PARG: variants seen among roughly 807,000 people sequenced by gnomAD.
PARG encodes the protein poly(ADP-ribose) glycohydrolase.
PARG carries 35 observed loss-of-function variants against 113.0 expected under a neutral mutation model. The ratio of observed to expected loss-of-function variants is 0.31; its 90% confidence interval spans 0.24 to 0.41. The LOEUF (loss-of-function observed/expected upper bound fraction) is 0.41, where lower values mean the gene tolerates loss of function less well. Among genes scored for constraint, PARG ranks in the 10% least tolerant of loss-of-function variants. The pLI, the probability that PARG is intolerant of heterozygous loss-of-function variation, is 1.00. For missense variants in PARG, 797 were observed against 1,169.4 expected, an observed-to-expected ratio of 0.68 and a Z score of 4.64; for synonymous variants, 330 against 409.9, an observed-to-expected ratio of 0.81 and a Z score of 2.36.
chr10:49,913,586 A>G (rs1226231305), intron 7 of PARG, among the ~76,000 whole-genome samples: 2 of 152,182 alleles, frequency 1.3e-5, no homozygotes, highest in African/African-American at 2.4e-5. Flanking sequence ...CCAACCCTCC[A>G]TATGTTTACA....
intron 1 of PARG, among the ~76,000 whole-genome samples, chr10:49,940,056 A>G (rs1246928478): frequency 1.3e-5 from 2 of 152,028 alleles, no homozygotes; most frequent in African/African-American, 2.4e-5. Context: ...TACTTTCTCT[A>G]CATGTTTATG....
intron 7 of PARG, among the ~76,000 whole-genome samples, chr10:49,902,673 CT>C (rs1313148312): frequency 9.2e-5 from 14 of 152,084 alleles, no homozygotes; most frequent in Non-Finnish European, 1.9e-4. Flanking sequence ...AAACTTACTA[CT>C]TTTTAGGGTA....
chr10:49,922,713 A>T (rs1480856812), intron 4 of PARG, 44 bp from the exon 5 acceptor site: 1 of 1,250,234 alleles, frequency 8.0e-7, no homozygotes, highest in African/African-American at 1.5e-5. Context: ...TAAAAACAAA[A>T]TGTATCTTCT....
In PARG at chr10:49,934,161, A is replaced by T. The variant is rs1838629795; in HGVS notation, c.287T>A (p.Leu96Ter). ...KGIKTAESES[L>*]DSKENNNTRI... ...TGTATTGTTGTTTTCTTTACTATCCAAACTACAAGAGAACAGAAAGAACTA... is the reference window on the plus strand; with the variant it reads ...TGTATTGTTGTTTTCTTTACTATCCTAACTACAAGAGAACAGAAAGAACTA... Residue 96 changes from leucine to a stop codon, truncating the protein, a stop_gained and splice_region_variant, in exon 3 of 18, where the codon TTG (leucine) becomes TAG (stop). Coordinates refer to ENST00000616448, the MANE Select transcript of PARG (RefSeq NM_003631.5). LOFTEE classifies it high-confidence loss of function. The T allele has an allele frequency of 9.9e-7, 1 of 1,008,434 alleles. No individual in the cohort carries two copies. The highest frequency in any genetic ancestry group is 1.8e-5 in the Admixed American group (1 of 56,610). The allele number at this position is 1,008,434 out of a possible 1,614,324, so 62.5% of individuals were successfully genotyped here.
At chr10:49,895,570 A>AT (rs1178203452) in intron 7 of PARG, among the ~76,000 whole-genome samples, 1 of 151,728 alleles carries the variant, frequency 6.6e-6, no homozygotes, top group Non-Finnish European at 1.5e-5. Flanking sequence ...CGCCTGGCTA[A>AT]TTTTTTTGTA....
chr10:49,920,001 G>A (rs1263418795), intron 6 of PARG, among the ~76,000 whole-genome samples: 3 of 151,864 alleles, frequency 2.0e-5, no homozygotes, highest in African/African-American at 4.8e-5. Flanking sequence ...TTGGATCAGC[G>A]GTTTGAAAAT....
intron 7 of PARG, among the ~76,000 whole-genome samples, chr10:49,907,903 T>C (rs1328960262): frequency 3.9e-5 from 6 of 152,138 alleles, no homozygotes; most frequent in African/African-American, 1.2e-4. Context: ...CACAGCAACA[T>C]TTAAAAGGAA....
chr10:49,835,741 G>A (rs781973234), intron 15 of PARG, among the ~76,000 whole-genome samples: 126 of 151,970 alleles, frequency 8.3e-4, no homozygotes, highest in Non-Finnish European at 1.4e-3. Flanking sequence ...ACAAACTGAT[G>A]TATAAGATTT....
In PARG at chr10:49,837,185, G is replaced by A. The variant is rs369358062; in HGVS notation, c.2542-4277C>T. ...CCAATAAGACCGGTGGAGCCTGGAT[G>A]GAGCAGACCTTTTCCAGAGGCCTGG... On this transcript the variant is annotated intron_variant, in intron 15 of 17. Transcript: ENST00000616448. Among the ~76,000 whole-genome samples the A allele has an allele frequency of 6.6e-5, 10 of 152,088 alleles. No individual in the cohort carries two copies. The East Asian group carries it at 1.7e-3, about 26-fold the overall frequency.
chr10:49,894,032 G>A (rs1354159952), intron 7 of PARG, among the ~76,000 whole-genome samples: 1 of 151,558 alleles, frequency 6.6e-6, no homozygotes, highest in Non-Finnish European at 1.5e-5. Context: ...CCATTGCCAT[G>A]TTGTCCAGAC....
intron 9 of PARG, among the ~76,000 whole-genome samples, chr10:49,879,193 C>G (rs1367299071): frequency 2.6e-5 from 4 of 152,130 alleles, no homozygotes; most frequent in African/African-American, 9.7e-5. Context: ...CACTTTTCAT[C>G]AAAACAATTA....
At chr10:49,833,033 G>A (rs1297343087) in intron 15 of PARG, 125 bp from the exon 16 acceptor site, 5 of 506,668 alleles carry the variant, frequency 9.9e-6, no homozygotes, top group African/African-American at 6.0e-5. Flanking sequence ...TTTTTCCATA[G>A]GGGCCAAAAT....
intron 9 of PARG, among the ~76,000 whole-genome samples, chr10:49,874,137 TTGG>T (rs1167002949): frequency 2.7e-5 from 4 of 146,600 alleles, no homozygotes; most frequent in East Asian, 2.1e-4. Context: ...CTGTGTTAAC[TTGG>T]TGAAGTAACC....
chr10:49,849,649 C>T, intron 13 of PARG, among the ~76,000 whole-genome samples: 1 of 152,112 alleles, frequency 6.6e-6, no homozygotes, highest in Middle Eastern at 3.4e-3. Flanking sequence ...TCAATTATAC[C>T]TCAATAAATC....
chr10:49,900,902 T>C (rs1344537358), intron 7 of PARG, among the ~76,000 whole-genome samples: 1 of 152,162 alleles, frequency 6.6e-6, no homozygotes, highest in South Asian at 2.1e-4. Flanking sequence ...TCCATCTTTA[T>C]AGACAGGCAG....
chr10:49,920,633 T>C (rs1410634189), intron 6 of PARG, among the ~76,000 whole-genome samples: 1 of 148,310 alleles, frequency 6.7e-6, no homozygotes, highest in Non-Finnish European at 1.5e-5. Flanking sequence ...TATACATGTA[T>C]ATATATACAC....
At chr10:49,833,239 T>C (rs868969316) in intron 15 of PARG, 1 of 161,274 alleles carries the variant, frequency 6.2e-6, no homozygotes, top group Non-Finnish European at 1.3e-5. Context: ...CAAGAACTAA[T>C]AGGATCCCAA....
chr10:49,842,229 T>C (rs917096117), intron 14 of PARG, among the ~76,000 whole-genome samples, 171 bp from the exon 15 acceptor site: 66 of 152,220 alleles, frequency 4.3e-4, no homozygotes, highest in African/African-American at 1.5e-3. Context: ...TATTTTTAGA[T>C]TGAGGCATAT....
intron 16 of PARG, 69 bp downstream of exon 16, chr10:49,832,734 A>G (rs1844731842): frequency 3.9e-6 from 3 of 764,276 alleles, no homozygotes; most frequent in Non-Finnish European, 2.2e-6. Context: ...GGACATGAGA[A>G]ATCTGGTTTG....
Sources: gnomAD v4.1 joint callset for allele counts (sites outside exome capture counted in the v4.1 genomes callset) on GRCh38, gnomAD v4.1.1 for gene constraint, MANE v1.5 for transcripts, NCBI Gene and HGNC (gene_info 2026-07-23, HGNC 2026-07-21) for gene names.